ZNF718: variants seen among roughly 807,000 people sequenced by gnomAD.
The protein encoded by ZNF718 is zinc finger protein 718.
A neutral mutation model predicts 2.6 loss-of-function variants in ZNF718; 3 were observed. That is an observed-to-expected ratio of 1.16 (90% CI 0.53 to 3.01). ZNF718 has a LOEUF of 3.01. Among genes scored for constraint, ZNF718 ranks in the 30% most tolerant of loss-of-function variants. The pLI is 0.03. For missense variants in ZNF718, 468 were observed against 230.0 expected (o/e 2.03, Z -6.69); for synonymous variants, 135 against 77.9 (o/e 1.73, Z -3.86).
intron 3 of ZNF718, among the ~76,000 whole-genome samples, chr4:157,764 C>T (rs956413498): frequency 1.1e-4 from 17 of 152,040 alleles, no homozygotes; most frequent in African/African-American, 4.1e-4. Flanking sequence ...GGTGGTTTAT[C>T]AAGAAGACTT....
At chr4:190,932 G>T (rs2108816344) in intron 3 of ZNF718, among the ~76,000 whole-genome samples, 1 of 151,862 alleles carries the variant, frequency 6.6e-6, no homozygotes, top group East Asian at 2.0e-4. Flanking sequence ...CTAGCTACTT[G>T]GGAGGCTGAG....
At chr4:166,155 C>A (rs1321238937), downstream of ZNF718, among the ~76,000 whole-genome samples, 1 of 152,130 alleles carries the variant, frequency 6.6e-6, no homozygotes, top group Non-Finnish European at 1.5e-5. Context: ...CCAGCTTCAT[C>A]CATGTCCCTA....
At chr4:170,888 G>A (rs1717210362) in intron 3 of ZNF718, among the ~76,000 whole-genome samples, 1 of 152,170 alleles carries the variant, frequency 6.6e-6, no homozygotes, top group Non-Finnish European at 1.5e-5. Flanking sequence ...CATTGCTGGT[G>A]AGGAGCTGCG....
At position 162,078 on chromosome 4, in the gene ZNF718, A is replaced by C; in HGVS notation, c.1393A>C (p.Asn465His). 1 of 770,438 alleles carries C rather than the reference A, an allele frequency of 1.3e-6. No homozygotes were observed. The highest frequency in any genetic ancestry group is 2.4e-6 in the Non-Finnish European group (1 of 413,756). 47.7% of individuals were successfully genotyped at this position (770,438 alleles called of 1,614,324 possible). The part of the protein sequence containing the change: ...ECGKAFKQYS[N>H]LPQHKRTHTG... ...CGGGAAAGCTTTTAAGCAGTACTCC[A>C]ACCTTCCTCAACATAAGAGAACTCA... The change falls in exon 4 of 4, where the codon AAC (asparagine) becomes CAC (histidine). Residue 465 changes from asparagine to histidine, a missense_variant. Coordinates refer to ENST00000510175, the MANE Select transcript of ZNF718 (RefSeq NM_001039127.6).
chr4:164,815 TATG>T (rs1170751699), downstream of ZNF718, among the ~76,000 whole-genome samples: 3 of 152,264 alleles, frequency 2.0e-5, no homozygotes, highest in African/African-American at 4.8e-5. Flanking sequence ...CTTTATAACT[TATG>T]AGGATGTTTT....
In ZNF718 at chr4:152,107, C is replaced by T. The variant is rs1329926847; in HGVS notation, c.227-8805C>T. Among the ~76,000 whole-genome samples, 370 of 147,908 alleles carry T rather than the reference C, an allele frequency of 2.5e-3. 1 individual carries two copies. Among genetic ancestry groups the T allele is most frequent in the Non-Finnish European group, 4.3e-3 (285 of 66,482 alleles). On this transcript the variant is annotated intron_variant, in intron 3 of 3. Transcript: ENST00000510175. The stretch of plus-strand genomic sequence containing the variant: ...TGCTTTACAAAGCAGTATTGCTGCC[C>T]GCAGGTCCCACCTCCAGCCTTAAGG...
At chr4:194,615 A>G (rs1717756182) in intron 3 of ZNF718, among the ~76,000 whole-genome samples, 1 of 152,230 alleles carries the variant, frequency 6.6e-6, no homozygotes, top group Admixed American at 6.5e-5. Context: ...TAGCAGTAGC[A>G]TTATATCTCT....
At chr4:124,793 C>T (rs184154159) in intron 1 of ZNF718, 120 bp downstream of exon 1, 3 of 1,395,922 alleles carry the variant, frequency 2.1e-6, no homozygotes, top group African/African-American at 1.4e-5. Flanking sequence ...TCCTCAGTCC[C>T]CTCCGGTGAG....
chr4:192,264 G>T (rs1553821347), intron 3 of ZNF718, among the ~76,000 whole-genome samples: 3 of 152,204 alleles, frequency 2.0e-5, no homozygotes, highest in African/African-American at 7.2e-5. Flanking sequence ...CATACAGTGG[G>T]AGGGGACCCA....
chr4:182,637 T>G (rs1553820004), intron 3 of ZNF718, among the ~76,000 whole-genome samples: 1 of 152,046 alleles, frequency 6.6e-6, no homozygotes, highest in African/African-American at 2.4e-5. Context: ...TTTCACCATG[T>G]GGCCAGGCTG....
chr4:158,419 A>G (rs1470188669), intron 3 of ZNF718, among the ~76,000 whole-genome samples: 1 of 151,842 alleles, frequency 6.6e-6, no homozygotes, highest in Non-Finnish European at 1.5e-5. Flanking sequence ...TTATTGTTTT[A>G]CTTGATAATT....
chr4:124,728 G>T, intron 1 of ZNF718, 55 bp downstream of exon 1: 2 of 1,601,646 alleles, frequency 1.2e-6, no homozygotes. Flanking sequence ...CGGAACCGGC[G>T]GGAAATGGCG....
chr4:180,009 A>G (rs1717433166), intron 3 of ZNF718, among the ~76,000 whole-genome samples: 1 of 152,240 alleles, frequency 6.6e-6, no homozygotes, highest in Non-Finnish European at 1.5e-5. Context: ...GTAAGAATTT[A>G]AAAAATGAAA....
rs182381309 is a variant in ZNF718 at position 180,850 on chromosome 4, G to A, written c.227-20231G>A. On this transcript the variant is annotated intron_variant and NMD_transcript_variant, in intron 3 of 4. Transcript: ENST00000642529. ...ATTTGTCTATTCAAATGCTTTATTC[G>A]TGTTGCATTGGTAAATTATTGTATT... 5.9e-5 allele frequency among the ~76,000 whole-genome samples: 9 copies of A among 152,102 alleles called. No individual in the cohort carries two copies. The East Asian group carries it at 1.2e-3, about 20-fold the overall frequency.
intron 3 of ZNF718, among the ~76,000 whole-genome samples, chr4:137,608 T>A (rs1205992206): frequency 6.6e-6 from 1 of 152,204 alleles, no homozygotes; most frequent in Non-Finnish European, 1.5e-5. Context: ...ATTAAAAATT[T>A]TTTCAATAAT....
chr4:124,478 G>A (rs1461858907), upstream of ZNF718: 5 of 668,898 alleles, frequency 7.5e-6, no homozygotes, highest in Admixed American at 2.2e-5. Flanking sequence ...AGAGAGGAGG[G>A]TGCGGCATCC....
chr4:138,462 T>G (rs1553809752), intron 3 of ZNF718, among the ~76,000 whole-genome samples: 1 of 152,196 alleles, frequency 6.6e-6, no homozygotes. Flanking sequence ...TGATGGGATC[T>G]TGTTCTTTTT....
rs1164522262 is a variant in ZNF718, at chr4:133,195, AATATATATATATATATAT to A, written c.226+1707_226+1724del. Among the ~76,000 whole-genome samples the A allele has an allele frequency of 3.5e-3, 72 of 20,778 alleles. 18 individuals are homozygous for A. The highest frequency in any genetic ancestry group is 0.01 in the African/African-American group (61 of 5,964). The allele number at this position is 20,778 out of a possible 152,430, so 13.6% of individuals were successfully genotyped here. On this transcript the variant is annotated intron_variant, in intron 3 of 3. Coordinates refer to ENST00000510175, the MANE Select transcript of ZNF718 (RefSeq NM_001039127.6). ...TCCATCTTAAAAAAAAAAAAAAAAA[AATATATATATATATATAT>A]ATATATATATATATATGGTAACACT...
At chr4:155,819 G>C (rs1450043281) in intron 3 of ZNF718, among the ~76,000 whole-genome samples, 2 of 152,108 alleles carry the variant, frequency 1.3e-5, no homozygotes, top group Non-Finnish European at 2.9e-5. Flanking sequence ...GAAGAACCAG[G>C]GGTGGAATGA....
Sources: allele counts gnomAD v4.1 joint callset (sites outside exome capture counted in the v4.1 genomes callset), GRCh38; gene constraint gnomAD v4.1.1; transcripts MANE v1.5; gene names NCBI Gene and HGNC (gene_info 2026-07-23, HGNC 2026-07-21).